The following PIR variants were observed in gnomAD, a reference collection of about 807,000 sequenced individuals.
PIR encodes the protein pirin (iron-binding nuclear protein).
PIR carries 22 observed loss-of-function variants against 24.2 expected under a neutral mutation model. That is an observed-to-expected ratio of 0.91 (90% CI 0.65 to 1.30). The LOEUF (loss-of-function observed/expected upper bound fraction) is 1.30, where lower values mean the gene tolerates loss of function less well. PIR is among the 50% of genes most tolerant of loss of function. The probability of loss-of-function intolerance (pLI) is 0.00; values close to 1 mark genes in which losing one functional copy is unlikely to be tolerated. For missense variants in PIR, 220 were observed against 220.3 expected, an observed-to-expected ratio of 1.00 and a Z score of 0.01; for synonymous variants, 80 against 79.6, an observed-to-expected ratio of 1.00 and a Z score of -0.03.
chrX:15,441,903 G>A (rs1355659420), intron 5 of PIR, among the ~76,000 whole-genome samples: 2 of 111,040 alleles, frequency 1.8e-5, no homozygotes, highest in African/African-American at 3.3e-5. Context: ...GATATAAGTC[G>A]TGTGCTTTTA....
At chrX:15,487,354 T>C (rs1478638284) in intron 2 of PIR, among the ~76,000 whole-genome samples, 1 of 111,210 alleles carries the variant, frequency 9.0e-6, no homozygotes, top group Non-Finnish European at 1.9e-5. Context: ...TTTCAAGTTA[T>C]CTTTTAGAGA....
At chrX:15,451,140 A>G (rs1345476706) in intron 5 of PIR, among the ~76,000 whole-genome samples, 1 of 111,923 alleles carries the variant, frequency 8.9e-6, no homozygotes, top group Non-Finnish European at 1.9e-5. Flanking sequence ...GGGTCTTCCA[A>G]TGCTTGTACA....
intron 6 of PIR, among the ~76,000 whole-genome samples, chrX:15,408,367 G>A (rs1265442751): frequency 9.0e-6 from 1 of 111,263 alleles, no homozygotes; most frequent in Non-Finnish European, 1.9e-5. Flanking sequence ...CAGTTCCAGG[G>A]ATGCAGGAAT....
rs765758233 is a variant in PIR, at chrX:15,455,906, T to G, written c.422A>C (p.Lys141Thr). 46 of 1,210,603 alleles carry G rather than the reference T, an allele frequency of 3.8e-5. No individual in the cohort carries two copies. The highest frequency in any genetic ancestry group is 4.9e-5 in the Non-Finnish European group (44 of 894,367). ...YQELKSEEIPKPSKDGVTVAV... is the reference protein window; with the variant it reads ...YQELKSEEIPTPSKDGVTVAV... ...AACTGTCACACCATCCTTACTGGGT[T>G]TAGGGATTTCTTCACTTTTCAGTTC... Residue 141 changes from lysine to threonine, a missense_variant, in exon 5 of 10, where the codon AAA becomes ACA. Lys to Thr is a moderately conservative substitution (Grantham distance 78). Coordinates refer to ENST00000380420, the MANE Select transcript of PIR (RefSeq NM_001018109.3).
chrX:15,459,061 T>TA (rs973425515), intron 4 of PIR, among the ~76,000 whole-genome samples: 1 of 112,576 alleles, frequency 8.9e-6, no homozygotes, highest in African/African-American at 3.2e-5. Context: ...AGTTTCGACT[T>TA]ACAAAACTGG....
At chrX:15,391,613 T>C (rs1368671343) in intron 8 of PIR, among the ~76,000 whole-genome samples, 1 of 112,212 alleles carries the variant, frequency 8.9e-6, no homozygotes, top group African/African-American at 3.2e-5. Context: ...TAAGGAGAAC[T>C]GTAGTTCCGT....
intron 3 of PIR, among the ~76,000 whole-genome samples, chrX:15,462,321 G>A (rs1284693739): frequency 3.6e-5 from 4 of 112,149 alleles, no homozygotes; most frequent in African/African-American, 1.3e-4. Flanking sequence ...TTGTGTGTCA[G>A]GACATGGGCT....
At chrX:15,421,623 C>G (rs1228998743) in intron 6 of PIR, among the ~76,000 whole-genome samples, 1 of 104,845 alleles carries the variant, frequency 9.5e-6, no homozygotes, top group African/African-American at 3.5e-5. Context: ...AAAGCAATAA[C>G]TAGTAATGAG....
chrX:15,386,440 A>G (rs1434277356), intron 9 of PIR, among the ~76,000 whole-genome samples: 1 of 112,275 alleles, frequency 8.9e-6, no homozygotes, highest in Non-Finnish European at 1.9e-5. Flanking sequence ...TGCCCATTAA[A>G]TGACAGACAT....
chrX:15,483,387 A>T (rs1036837123), intron 2 of PIR, among the ~76,000 whole-genome samples: 1 of 110,823 alleles, frequency 9.0e-6, no homozygotes. Flanking sequence ...CAATTTAAAG[A>T]TATGCTTAAA....
Position 15,425,987 on chromosome X carries a change from T to G in PIR, c.484A>C (p.Lys162Gln). Reference sequence around the variant, plus strand: ...AAGGTTGGTGTGCGAGTGTAAACCTTGGACTGAAAAGGAAAAGGAAACCAT... The same window carrying G: ...AAGGTTGGTGTGCGAGTGTAAACCTGGGACTGAAAAGGAAAAGGAAACCAT... Reference protein sequence around the residue: ...ISGEALGIKSKVYTRTPTLYL... With the variant: ...ISGEALGIKSQVYTRTPTLYL... The change falls in exon 6 of 10, where the codon AAG becomes CAG. Residue 162 changes from lysine (K) to glutamine (Q), a missense_variant. By Grantham distance (53) the Lys-to-Gln change is moderately conservative. Coordinates refer to ENST00000380420, the MANE Select transcript of PIR (RefSeq NM_001018109.3). 8.6e-7 allele frequency: 1 copy of G among 1,164,086 alleles called. No individual in the cohort carries two copies. The highest frequency in any genetic ancestry group is 1.2e-6 in the Non-Finnish European group (1 of 853,463).
chrX:15,479,417 C>G (rs193172468), intron 3 of PIR, among the ~76,000 whole-genome samples: 311 of 107,668 alleles, frequency 2.9e-3, no homozygotes, highest in African/African-American at 9.7e-3. Context: ...TGATTAGAAA[C>G]AGGTTTTCTA....
At chrX:15,472,510 T>C (rs1042942410) in intron 3 of PIR, among the ~76,000 whole-genome samples, 1 of 112,382 alleles carries the variant, frequency 8.9e-6, no homozygotes, top group African/African-American at 3.2e-5. Context: ...TAAAGAAATA[T>C]ATATGCTACA....
intron 5 of PIR, among the ~76,000 whole-genome samples, chrX:15,440,944 C>G (rs1479522234): frequency 8.9e-6 from 1 of 111,735 alleles, no homozygotes; most frequent in Non-Finnish European, 1.9e-5. Flanking sequence ...TATGACTGCT[C>G]TAGGGCTTGG....
At chrX:15,475,900 C>G (rs1261747106) in intron 3 of PIR, among the ~76,000 whole-genome samples, 1 of 112,149 alleles carries the variant, frequency 8.9e-6, no homozygotes, top group Non-Finnish European at 1.9e-5. Context: ...TAGAGTACGC[C>G]TTCTCAATTT....
chrX:15,430,749 T>A (rs1271912023), intron 5 of PIR, among the ~76,000 whole-genome samples: 1 of 112,074 alleles, frequency 8.9e-6, no homozygotes, highest in Non-Finnish European at 1.9e-5. Flanking sequence ...ATAAATGTGA[T>A]CTTAATTAGG....
At chrX:15,409,758 C>G (rs948168651) in intron 6 of PIR, among the ~76,000 whole-genome samples, 4 of 111,304 alleles carry the variant, frequency 3.6e-5, no homozygotes, top group African/African-American at 1.3e-4. Context: ...TTTCAGAGCA[C>G]CAATAGCTTC....
intron 5 of PIR, among the ~76,000 whole-genome samples, chrX:15,441,242 T>C (rs1268402471): frequency 8.9e-6 from 1 of 112,157 alleles, no homozygotes; most frequent in Non-Finnish European, 1.9e-5. Context: ...AATTCTAGTT[T>C]ATTTTAATGT....
At chrX:15,416,941 A>T (rs970117876) in intron 6 of PIR, among the ~76,000 whole-genome samples, 15 of 110,817 alleles carry the variant, frequency 1.4e-4, no homozygotes, top group South Asian at 3.8e-4. Flanking sequence ...TTATTTATTT[A>T]TTTTTTTCTG....
Sources: gnomAD v4.1 joint callset for allele counts (sites outside exome capture counted in the v4.1 genomes callset) on GRCh38, gnomAD v4.1.1 for gene constraint, MANE v1.5 for transcripts, NCBI Gene and HGNC (gene_info 2026-07-23, HGNC 2026-07-21) for gene names.